Variants in PITPNC1 observed in about 807,000 individuals in gnomAD.
PITPNC1 encodes the protein cytoplasmic phosphatidylinositol transfer protein 1.
PITPNC1 carries 18 observed loss-of-function variants against 44.7 expected under a neutral mutation model. That is an observed-to-expected ratio of 0.40 (90% CI 0.28 to 0.60). PITPNC1 has a LOEUF of 0.60. PITPNC1 is among the 20% of genes least tolerant of loss of function. The probability of loss-of-function intolerance (pLI) is 0.39; values close to 1 mark genes in which losing one functional copy is unlikely to be tolerated. For synonymous variants in PITPNC1, 141 were observed against 149.6 expected (o/e 0.94, Z 0.42); for missense variants, 290 against 418.4 (o/e 0.69, Z 2.68).
intron 1 of PITPNC1, among the ~76,000 whole-genome samples, chr17:67,473,021 G>T (rs926551882): frequency 2.0e-5 from 3 of 151,242 alleles, no homozygotes; most frequent in African/African-American, 7.3e-5. Flanking sequence ...GACTACAGGT[G>T]CGCACCACCA....
At chr17:67,629,016 T>C (rs755889777) in intron 5 of PITPNC1, among the ~76,000 whole-genome samples, 55 of 152,238 alleles carry the variant, frequency 3.6e-4, no homozygotes, top group African/African-American at 1.3e-3. Flanking sequence ...AGGGCGACTT[T>C]GGAGCTAAGG....
intron 5 of PITPNC1, among the ~76,000 whole-genome samples, chr17:67,581,571 T>C (rs2041234439): frequency 6.6e-6 from 1 of 152,176 alleles, no homozygotes; most frequent in Non-Finnish European, 1.5e-5. Flanking sequence ...CCCCCCAGGC[T>C]CTGCTTGACC....
chr17:67,453,580 G>A (rs1048058929), intron 1 of PITPNC1, among the ~76,000 whole-genome samples: 1 of 152,154 alleles, frequency 6.6e-6, no homozygotes, highest in Non-Finnish European at 1.5e-5. Flanking sequence ...TGTAAAGAGA[G>A]TAAACAAATA....
At chr17:67,435,975 G>A (rs981677922) in intron 1 of PITPNC1, among the ~76,000 whole-genome samples, 8 of 151,982 alleles carry the variant, frequency 5.3e-5, no homozygotes, top group African/African-American at 1.9e-4. Context: ...TGGTTTTTTT[G>A]TTTGTTCCTT....
chr17:67,688,337 T>TAAAAAAAAAAAAAAAA (rs2042856531), intron 8 of PITPNC1, among the ~76,000 whole-genome samples: 1 of 10,244 alleles, frequency 9.8e-5, no homozygotes, highest in South Asian at 1.8e-3. Context: ...AAATTCTGTC[T>TAAAAAAAAAAAAAAAA]CAAAAAAAAA....
intron 1 of PITPNC1, among the ~76,000 whole-genome samples, chr17:67,506,736 A>G (rs1025271591): frequency 1.3e-5 from 2 of 152,206 alleles, no homozygotes; most frequent in African/African-American, 2.4e-5. Context: ...CTATACTAGG[A>G]GAGATTTTAT....
intron 8 of PITPNC1, among the ~76,000 whole-genome samples, chr17:67,689,572 A>G (rs763857656): frequency 3.3e-5 from 5 of 152,246 alleles, no homozygotes; most frequent in Non-Finnish European, 7.3e-5. Flanking sequence ...ATTTTAGATC[A>G]TCAACCCAAG....
At chr17:67,429,503 A>C (rs574774987) in intron 1 of PITPNC1, among the ~76,000 whole-genome samples, 11 of 151,814 alleles carry the variant, frequency 7.2e-5, no homozygotes, top group African/African-American at 2.6e-4. Flanking sequence ...AATTGAGACC[A>C]ACCTGGCCAT....
intron 5 of PITPNC1, among the ~76,000 whole-genome samples, chr17:67,591,434 T>C (rs1442352462): frequency 6.6e-6 from 1 of 152,200 alleles, no homozygotes; most frequent in East Asian, 1.9e-4. Context: ...TATATCAATG[T>C]TAAACTTCCT....
At chr17:67,385,886 G>A (rs1361850452) in intron 1 of PITPNC1, among the ~76,000 whole-genome samples, 1 of 152,200 alleles carries the variant, frequency 6.6e-6, no homozygotes, top group Non-Finnish European at 1.5e-5. Context: ...TGTCCATGAA[G>A]GAAGCTGCAT....
At chr17:67,378,522 C>A (rs2037905715) in intron 1 of PITPNC1, among the ~76,000 whole-genome samples, 1 of 152,260 alleles carries the variant, frequency 6.6e-6, no homozygotes, top group South Asian at 2.1e-4. Context: ...AAACCAAACC[C>A]AAGAGCCCCC....
chr17:67,548,073 CGAAAA>C (rs2040709399), intron 2 of PITPNC1, among the ~76,000 whole-genome samples: 3 of 152,158 alleles, frequency 2.0e-5, no homozygotes, highest in South Asian at 2.1e-4. Flanking sequence ...TTGAGACAAC[CGAAAA>C]TGTCCAGACA....
intron 1 of PITPNC1, among the ~76,000 whole-genome samples, chr17:67,431,961 A>ATAT: frequency 6.6e-6 from 1 of 152,180 alleles, no homozygotes; most frequent in Non-Finnish European, 1.5e-5. Flanking sequence ...GACCACAGCC[A>ATAT]TATTACCTCC....
At chr17:67,675,945 G>A (rs970079366) in intron 8 of PITPNC1, among the ~76,000 whole-genome samples, 60 of 152,296 alleles carry the variant, frequency 3.9e-4, no homozygotes, top group African/African-American at 1.2e-3. Flanking sequence ...AGTGGCTCAC[G>A]CCTGTAATCC....
intron 1 of PITPNC1, among the ~76,000 whole-genome samples, chr17:67,453,645 A>G (rs147557457): frequency 1.3e-5 from 2 of 152,362 alleles, no homozygotes; most frequent in African/African-American, 4.8e-5. Flanking sequence ...AGGTGCTTAC[A>G]TAACGACAGA....
At chr17:67,455,585 A>G (rs956540270) in intron 1 of PITPNC1, among the ~76,000 whole-genome samples, 4 of 148,272 alleles carry the variant, frequency 2.7e-5, no homozygotes, top group African/African-American at 1.0e-4. Flanking sequence ...ATGCCCAGCT[A>G]GTTTTTTTTG....
intron 7 of PITPNC1, among the ~76,000 whole-genome samples, chr17:67,673,995 A>G (rs1266514728): frequency 6.6e-6 from 1 of 151,678 alleles, no homozygotes; most frequent in Non-Finnish European, 1.5e-5. Flanking sequence ...AAAAAGATAA[A>G]AAGAAAAATT....
intron 6 of PITPNC1, among the ~76,000 whole-genome samples, chr17:67,635,507 G>A (rs1339796143): frequency 6.6e-6 from 1 of 152,194 alleles, no homozygotes; most frequent in African/African-American, 2.4e-5. Flanking sequence ...AACACAGACA[G>A]AAATGAGTCT....
At chr17:67,622,065 C>G (rs957011052) in intron 5 of PITPNC1, among the ~76,000 whole-genome samples, 2 of 151,912 alleles carry the variant, frequency 1.3e-5, no homozygotes, top group Admixed American at 1.3e-4. Context: ...GTCAGGAGAT[C>G]GAGACCACGG....
Sources: allele counts gnomAD v4.1 joint callset (sites outside exome capture counted in the v4.1 genomes callset), GRCh38; gene constraint gnomAD v4.1.1; transcripts MANE v1.5; gene names NCBI Gene and HGNC (gene_info 2026-07-23, HGNC 2026-07-21).